Variants in KANK1 observed in about 807,000 individuals in gnomAD.
The protein encoded by KANK1 is KN motif and ankyrin repeat domains 1.
In KANK1, 109 loss-of-function variants were observed where a neutral mutation model predicts 106.2. That is an observed-to-expected ratio of 1.03 (90% CI 0.88 to 1.20). The LOEUF is 1.20. Ranked by LOEUF, KANK1 falls within the 50% of genes most tolerant of loss-of-function variation. KANK1 has a pLI of 0.00. For missense variants in KANK1, 2,399 were observed against 1,710.7 expected, an observed-to-expected ratio of 1.40 and a Z score of -7.10; for synonymous variants, 873 against 652.2, an observed-to-expected ratio of 1.34 and a Z score of -5.16.
intron 2 of KANK1, chr9:707,276 G>GCCAC (rs1332934509): frequency 1.0e-6 from 1 of 970,534 alleles, no homozygotes; most frequent in Admixed American, 6.2e-5. Flanking sequence ...GCGTGGGGCG[G>GCCAC]CCACCGCTGG....
chr9:503,987 G>A (rs1336292641), upstream of KANK1, among the ~76,000 whole-genome samples: 1 of 152,194 alleles, frequency 6.6e-6, no homozygotes, highest in Non-Finnish European at 1.5e-5. Flanking sequence ...GAGCCAGGGC[G>A]AATGCACGGA....
intron 2 of KANK1, chr9:707,221 G>C: frequency 2.0e-6 from 2 of 986,210 alleles, no homozygotes; most frequent in Non-Finnish European, 2.4e-6. Context: ...AGCGCGGGCT[G>C]GCGGGGAGCG....
intron 1 of KANK1, among the ~76,000 whole-genome samples, chr9:560,801 AG>A (rs1816219514): frequency 1.3e-5 from 2 of 151,922 alleles, no homozygotes; most frequent in African/African-American, 2.4e-5. Flanking sequence ...GGCTGCAAAA[AG>A]TTGAAGGCAA....
At chr9:562,372 C>T (rs1033726184) in intron 1 of KANK1, among the ~76,000 whole-genome samples, 2 of 152,184 alleles carry the variant, frequency 1.3e-5, no homozygotes, top group African/African-American at 4.8e-5. Flanking sequence ...GCATTTTCTA[C>T]ACCCTGCCAG....
upstream of KANK1, among the ~76,000 whole-genome samples, chr9:501,378 A>G (rs949016946): frequency 6.6e-6 from 1 of 152,142 alleles, no homozygotes; most frequent in Non-Finnish European, 1.5e-5. Context: ...ATGAGAAGAA[A>G]TAAATCAAGG....
At chr9:577,474 C>CA (rs1425198067) in intron 1 of KANK1, among the ~76,000 whole-genome samples, 1 of 151,826 alleles carries the variant, frequency 6.6e-6, no homozygotes, top group Non-Finnish European at 1.5e-5. Context: ...TTTAGCTAGA[C>CA]ACAGAGTGCT....
intron 1 of KANK1, among the ~76,000 whole-genome samples, chr9:671,985 G>C (rs1218245986): frequency 6.6e-6 from 1 of 152,144 alleles, no homozygotes; most frequent in East Asian, 1.9e-4. Flanking sequence ...CCGAGATGCA[G>C]CTTTCTTATC....
chr9:643,452 C>T lies in KANK1; in HGVS notation c.-83-33438C>T, dbSNP rs1001011048. ...TTTAATACCTACCCAAAATTTTGGT[C>T]CAAGCTCTAGGGGCCTCCTCCCGAA... is the stretch of plus-strand genomic sequence containing the variant. On this transcript the variant is annotated intron_variant, in intron 1 of 11. Coordinates refer to ENST00000382297, the MANE Select transcript of KANK1 (RefSeq NM_015158.5). 1.1e-4 allele frequency among the ~76,000 whole-genome samples: 17 copies of T among 150,166 alleles called. 1 individual carries two copies. Among genetic ancestry groups the T allele is most frequent in the Middle Eastern group, 3.4e-3 (1 of 290 alleles).
At chr9:476,350 G>C (rs1046955792) in intron 3 of KANK1, among the ~76,000 whole-genome samples, 1 of 151,958 alleles carries the variant, frequency 6.6e-6, no homozygotes, top group African/African-American at 2.4e-5. Context: ...GTGAAACCCT[G>C]TCTCTACTAA....
At chr9:630,412 A>G (rs540018514) in intron 1 of KANK1, among the ~76,000 whole-genome samples, 50 of 150,128 alleles carry the variant, frequency 3.3e-4, no homozygotes, top group East Asian at 2.4e-3. Context: ...TTAGCCAGGC[A>G]TGGTGGCGGG....
intron 1 of KANK1, among the ~76,000 whole-genome samples, chr9:653,916 A>G (rs1841488007): frequency 6.6e-6 from 1 of 152,126 alleles, no homozygotes; most frequent in South Asian, 2.1e-4. Flanking sequence ...AGCTCCCATC[A>G]CACTAGCACA....
chr9:656,824 G>A (rs1842246205), intron 1 of KANK1, among the ~76,000 whole-genome samples: 1 of 152,076 alleles, frequency 6.6e-6, no homozygotes, highest in South Asian at 2.1e-4. Context: ...GCAACATAAG[G>A]CAGCTTGACC....
intron 2 of KANK1, among the ~76,000 whole-genome samples, chr9:709,305 C>A (rs1054556300): frequency 6.6e-6 from 1 of 152,180 alleles, no homozygotes; most frequent in Non-Finnish European, 1.5e-5. Context: ...CTAAATATCC[C>A]ATGCCCCAGC....
intron 1 of KANK1, among the ~76,000 whole-genome samples, chr9:649,157 A>G (rs1270912375): frequency 6.6e-6 from 1 of 152,142 alleles, no homozygotes; most frequent in Non-Finnish European, 1.5e-5. Flanking sequence ...TACGTGTTGT[A>G]TAGTTGGTTT....
intron 7 of KANK1, among the ~76,000 whole-genome samples, chr9:736,288 A>G (rs1833790325): frequency 6.6e-6 from 1 of 152,164 alleles, no homozygotes; most frequent in Non-Finnish European, 1.5e-5. Flanking sequence ...TAAATGCTAT[A>G]TAAATAGTTG....
At chr9:740,550 G>T (rs182128132) in intron 8 of KANK1, among the ~76,000 whole-genome samples, 1 of 152,310 alleles carries the variant, frequency 6.6e-6, no homozygotes, top group East Asian at 1.9e-4. Context: ...TTGCAAACAA[G>T]ATACGCTGTG....
chr9:606,164 C>G (rs1397159576), intron 1 of KANK1, among the ~76,000 whole-genome samples: 1 of 151,024 alleles, frequency 6.6e-6, no homozygotes, highest in Non-Finnish European at 1.5e-5. Context: ...CACACACACA[C>G]ACACACACAC....
At chr9:538,128 C>T (rs571070298) in intron 1 of KANK1, among the ~76,000 whole-genome samples, 16 of 151,544 alleles carry the variant, frequency 1.1e-4, no homozygotes, top group Middle Eastern at 3.4e-3. Context: ...GTTGGGAGAG[C>T]GGAAAGAACA....
chr9:674,696 G>A (rs1196156904), intron 1 of KANK1, among the ~76,000 whole-genome samples: 1 of 152,056 alleles, frequency 6.6e-6, no homozygotes, highest in African/African-American at 2.4e-5. Flanking sequence ...TAAGACAGAA[G>A]GGGTCTAAAT....
Sources: allele counts gnomAD v4.1 joint callset (sites outside exome capture counted in the v4.1 genomes callset), GRCh38; gene constraint gnomAD v4.1.1; transcripts MANE v1.5; gene names NCBI Gene and HGNC (gene_info 2026-07-23, HGNC 2026-07-21).